Variants in LIMS1 observed in about 807,000 individuals in gnomAD.
LIMS1 encodes the protein LIM and senescent cell antigen-like-containing domain protein 1.
A neutral mutation model predicts 44.1 loss-of-function variants in LIMS1; 18 were observed. That is an observed-to-expected ratio of 0.41 (90% CI 0.28 to 0.61). The LOEUF (loss-of-function observed/expected upper bound fraction) is 0.61. LIMS1 is among the 20% of genes least tolerant of loss of function. LIMS1 has a pLI of 0.32. For missense variants in LIMS1, 201 were observed against 422.0 expected, an observed-to-expected ratio of 0.48 and a Z score of 4.59; for synonymous variants, 93 against 149.1, an observed-to-expected ratio of 0.62 and a Z score of 2.74.
intron 1 of LIMS1, among the ~76,000 whole-genome samples, chr2:108,618,506 C>G (rs1490590277): frequency 1.3e-5 from 2 of 151,936 alleles, no homozygotes; most frequent in African/African-American, 4.8e-5. Context: ...GCAGTCCTCT[C>G]TCTCTCTCTC....
In LIMS1 at chr2:108,564,954, C is replaced by T. The variant is rs371982008; in HGVS notation, c.32+30360C>T. Among the ~76,000 whole-genome samples, 5 of 151,350 alleles carry T rather than the reference C, an allele frequency of 3.3e-5. No individual in the cohort carries two copies. In the East Asian group the frequency reaches 9.9e-4, roughly 30 times the overall value. ...TACAGGGAAGGAAAGGGCCAGCGCT[C>T]TGCCCTAGCTCTTTAAGAGAAACCC... On this transcript the variant is annotated intron_variant, in intron 1 of 9. Transcript: ENST00000544547.
rs192944935 is a variant in LIMS1 at position 108,659,119 on chromosome 2, G to A, written c.33-486G>A. ...CTACTTAAGCAGTTGTTTTCCACAG[G>A]ATTTAATCAAAGGGATAACCCGTGT... On this transcript the variant is annotated intron_variant, in intron 1 of 9. Transcript: ENST00000544547. 6,161 of 981,120 alleles carry A rather than the reference G, an allele frequency of 6.3e-3. 137 individuals are homozygous for A. Among genetic ancestry groups the A allele is most frequent in the Non-Finnish European group, 6.9e-3 (5,675 of 826,870 alleles). 60.8% of individuals were successfully genotyped at this position (981,120 alleles called of 1,614,324 possible). A position where few individuals can be genotyped will look rare whatever the true frequency, so the allele number is the denominator to read the frequency against.
chr2:108,680,393 CAG>C (rs1692887076), intron 8 of LIMS1, among the ~76,000 whole-genome samples: 1 of 131,608 alleles, frequency 7.6e-6, no homozygotes, highest in Non-Finnish European at 1.7e-5. Flanking sequence ...AAAAATTAGC[CAG>C]GTGTAGTGGC....
intron 1 of LIMS1, among the ~76,000 whole-genome samples, chr2:108,603,883 G>C (rs1377846870): frequency 1.3e-5 from 2 of 151,702 alleles, no homozygotes; most frequent in Non-Finnish European, 2.9e-5. Context: ...TTTTGGATTT[G>C]GTTTGCTCTT....
At chr2:108,680,528 C>A (rs61151045) in intron 8 of LIMS1, among the ~76,000 whole-genome samples, 167 bp from the exon 9 acceptor site, 58,714 of 142,298 alleles carry the variant, frequency 0.41, 14,140 homozygotes, top group East Asian at 0.95. Flanking sequence ...TAGAGCAAGA[C>A]CCTGTCTCAT....
intron 1 of LIMS1, among the ~76,000 whole-genome samples, chr2:108,631,004 A>C (rs1268100299): frequency 2.0e-5 from 3 of 152,204 alleles, no homozygotes; most frequent in African/African-American, 7.2e-5. Flanking sequence ...TCTGTGGAGC[A>C]GGGATGGAAT....
chr2:108,552,121 A>G (rs919990849), intron 1 of LIMS1, among the ~76,000 whole-genome samples: 2 of 145,848 alleles, frequency 1.4e-5, no homozygotes, highest in African/African-American at 5.0e-5. Flanking sequence ...TATATATTAT[A>G]TATACTATAT....
At chr2:108,579,999 G>C (rs1685825495) in intron 1 of LIMS1, among the ~76,000 whole-genome samples, 1 of 152,238 alleles carries the variant, frequency 6.6e-6, no homozygotes, top group South Asian at 2.1e-4. Flanking sequence ...GGGATGCCGG[G>C]TGGGAGCAAG....
intron 1 of LIMS1, among the ~76,000 whole-genome samples, chr2:108,546,074 T>C (rs549384954): frequency 6.6e-6 from 1 of 152,340 alleles, no homozygotes; most frequent in East Asian, 1.9e-4. Context: ...CTTAATAATA[T>C]GTGTATTGCC....
At chr2:108,556,237 T>C (rs1684920975) in intron 1 of LIMS1, among the ~76,000 whole-genome samples, 1 of 152,258 alleles carries the variant, frequency 6.6e-6, no homozygotes, top group Non-Finnish European at 1.5e-5. Flanking sequence ...TGGCATAATG[T>C]CCCCAAGGTT....
At chr2:108,540,735 C>T (rs536763796) in intron 1 of LIMS1, among the ~76,000 whole-genome samples, 12 of 152,254 alleles carry the variant, frequency 7.9e-5, no homozygotes, top group African/African-American at 2.6e-4. Context: ...CTTTATTTTA[C>T]AGGACAGGAT....
At chr2:108,628,876 A>C (rs999693890) in intron 1 of LIMS1, among the ~76,000 whole-genome samples, 2 of 152,216 alleles carry the variant, frequency 1.3e-5, no homozygotes, top group African/African-American at 2.4e-5. Context: ...GCAGTGGCAC[A>C]ATCTTTGCTC....
chr2:108,603,179 T>C (rs1196636327), intron 1 of LIMS1, among the ~76,000 whole-genome samples: 3 of 152,242 alleles, frequency 2.0e-5, no homozygotes. Context: ...CCCTCTCCTC[T>C]ATTTTTCAGA....
chr2:108,618,384 G>C (rs1192952472), intron 1 of LIMS1, among the ~76,000 whole-genome samples: 1 of 152,090 alleles, frequency 6.6e-6, no homozygotes, highest in Non-Finnish European at 1.5e-5. Flanking sequence ...AAAATAGATG[G>C]GGACTCCTCC....
intron 1 of LIMS1, among the ~76,000 whole-genome samples, chr2:108,589,979 G>C (rs760126600): frequency 6.6e-6 from 1 of 152,166 alleles, no homozygotes; most frequent in Non-Finnish European, 1.5e-5. Flanking sequence ...TTCTGTTGCT[G>C]TTGGGTGGAA....
At chr2:108,662,653 T>A (rs1163813203) in intron 2 of LIMS1, 1 of 949,376 alleles carries the variant, frequency 1.1e-6, no homozygotes, top group Non-Finnish European at 1.3e-6. Flanking sequence ...TATCCAAGAC[T>A]GCTAACAAAT....
At chr2:108,636,080 G>A (rs544444033) in intron 1 of LIMS1, among the ~76,000 whole-genome samples, 5 of 152,320 alleles carry the variant, frequency 3.3e-5, no homozygotes, top group Admixed American at 2.0e-4. Flanking sequence ...TAAGAGGAGA[G>A]AAAGCAAAAG....
intron 1 of LIMS1, among the ~76,000 whole-genome samples, chr2:108,622,547 T>G (rs866946997): frequency 6.6e-6 from 1 of 152,224 alleles, no homozygotes; most frequent in East Asian, 1.9e-4. Flanking sequence ...TTATTAGAAC[T>G]TATCGCTTAC....
chr2:108,619,608 C>T (rs1208639373), intron 1 of LIMS1, among the ~76,000 whole-genome samples: 1 of 152,000 alleles, frequency 6.6e-6, no homozygotes. Context: ...CACTTGAACC[C>T]GGGAGGCGGA....
Sources: gnomAD v4.1 joint callset for allele counts (sites outside exome capture counted in the v4.1 genomes callset) on GRCh38, gnomAD v4.1.1 for gene constraint, MANE v1.5 for transcripts, NCBI Gene and HGNC (gene_info 2026-07-23, HGNC 2026-07-21) for gene names.